Variants in POF1B observed in about 807,000 individuals in gnomAD.
POF1B encodes POF1B actin binding protein, also known as protein POF1B.
In POF1B, 53 loss-of-function variants were observed where a neutral mutation model predicts 55.3. The ratio of observed to expected loss-of-function variants is 0.96; its 90% confidence interval spans 0.77 to 1.20. The LOEUF is 1.20. Among genes scored for constraint, POF1B ranks in the 50% most tolerant of loss-of-function variants. The probability of loss-of-function intolerance (pLI) is 0.00; values close to 1 mark genes in which losing one functional copy is unlikely to be tolerated. For missense variants in POF1B, 478 were observed against 420.5 expected, an observed-to-expected ratio of 1.14 and a Z score of -1.20; for synonymous variants, 188 against 148.3, an observed-to-expected ratio of 1.27 and a Z score of -1.95.
chrX:85,294,863 G>C (rs1051612231), intron 15 of POF1B, among the ~76,000 whole-genome samples: 12 of 110,923 alleles, frequency 1.1e-4, no homozygotes, highest in Non-Finnish European at 1.9e-4. Context: ...TTTTGTTGTT[G>C]TCTTGTAGGA....
At chrX:85,285,766 A>G (rs1932038511) in intron 15 of POF1B, among the ~76,000 whole-genome samples, 1 of 111,129 alleles carries the variant, frequency 9.0e-6, no homozygotes, top group Non-Finnish European at 1.9e-5. Context: ...AATCCTGCAC[A>G]TTGTGCACAT....
At position 85,331,229 on chromosome X, in the gene POF1B, A is replaced by G. The variant is rs543277863; in HGVS notation, c.724-150T>C. On this transcript the variant is annotated intron_variant, in intron 6 of 16. Coordinates refer to ENST00000262753, the MANE Select transcript of POF1B (RefSeq NM_024921.4). The stretch of plus-strand genomic sequence containing the variant: ...AGGGATACATTTTTTAATGTGGGAG[A>G]AATTTAAAGAAAAATCAACATTGCA... 2.6e-4 allele frequency: 144 copies of G among 549,062 alleles called. No individual in the cohort carries two copies. In the Middle Eastern group the frequency reaches 2.7e-3, roughly 10 times the overall value. The allele number at this position is 549,062 out of a possible 1,213,427, so 45.2% of individuals were successfully genotyped here. A position where few individuals can be genotyped will look rare whatever the true frequency, so the allele number is the denominator to read the frequency against.
rs150515968 is a variant in POF1B at position 85,310,626 on chromosome X, G to T, written c.958-2410C>A. 2.7e-5 allele frequency among the ~76,000 whole-genome samples: 3 copies of T among 112,196 alleles called. No homozygotes were observed. In the South Asian group the frequency reaches 1.1e-3, roughly 41 times the overall value. Reference sequence around the variant, plus strand: ...TGTACACCACATATCTAGCTTTCATGTTCAGAGTCCTGGAAGGAAAGGAGA... The same window carrying T: ...TGTACACCACATATCTAGCTTTCATTTTCAGAGTCCTGGAAGGAAAGGAGA... On this transcript the variant is annotated intron_variant, in intron 9 of 16. Transcript: ENST00000262753.
intron 6 of POF1B, among the ~76,000 whole-genome samples, chrX:85,345,041 T>C (rs1032353297): frequency 5.4e-5 from 6 of 111,878 alleles, no homozygotes; most frequent in African/African-American, 1.6e-4. Flanking sequence ...ATACTTAATA[T>C]AAAATAATCA....
intron 15 of POF1B, among the ~76,000 whole-genome samples, chrX:85,289,269 C>T (rs1269298273): frequency 4.5e-5 from 5 of 111,608 alleles, no homozygotes; most frequent in East Asian, 2.9e-4. Flanking sequence ...GACTCACTGG[C>T]GCAAGGGGCT....
intron 3 of POF1B, among the ~76,000 whole-genome samples, chrX:85,363,992 A>G (rs768798485): frequency 2.7e-5 from 3 of 111,957 alleles, no homozygotes; most frequent in Non-Finnish European, 5.6e-5. Context: ...AATCTTTACT[A>G]TTATGTAATG....
intron 6 of POF1B, among the ~76,000 whole-genome samples, chrX:85,336,509 G>A (rs1219375298): frequency 9.0e-6 from 1 of 110,798 alleles, no homozygotes; most frequent in Non-Finnish European, 1.9e-5. Flanking sequence ...TTTAAGTAGG[G>A]TGAGATAATC....
chrX:85,368,050 A>G (rs1243686665), intron 2 of POF1B, among the ~76,000 whole-genome samples: 1 of 112,055 alleles, frequency 8.9e-6, no homozygotes, highest in Non-Finnish European at 1.9e-5. Context: ...GCATTCATAT[A>G]CACCCCAATG....
intron 5 of POF1B, among the ~76,000 whole-genome samples, chrX:85,349,860 T>G (rs1933344491): frequency 9.0e-6 from 1 of 110,584 alleles, no homozygotes; most frequent in South Asian, 3.8e-4. Flanking sequence ...CCTAAGAAAC[T>G]AATACAGTGC....
At chrX:85,295,688 T>G (rs758119756) in intron 15 of POF1B, among the ~76,000 whole-genome samples, 3 of 111,954 alleles carry the variant, frequency 2.7e-5, no homozygotes, top group Non-Finnish European at 5.6e-5. Context: ...AGTGGAAGTC[T>G]GTTTTGTGGT....
intron 2 of POF1B, among the ~76,000 whole-genome samples, chrX:85,373,841 G>C (rs1010249739): frequency 9.0e-6 from 1 of 111,367 alleles, no homozygotes; most frequent in African/African-American, 3.3e-5. Context: ...AGATTGGTGA[G>C]GGTGAGGAGC....
chrX:85,306,471 T>C (rs1180835461), intron 11 of POF1B, 138 bp from the exon 12 acceptor site: 1 of 536,509 alleles, frequency 1.9e-6, no homozygotes. Flanking sequence ...TCTTAGATGG[T>C]ACATTAAGTC....
At chrX:85,305,009 C>T (rs1250779274) in intron 13 of POF1B, among the ~76,000 whole-genome samples, 1 of 110,519 alleles carries the variant, frequency 9.0e-6, no homozygotes, top group African/African-American at 3.3e-5. Context: ...TTGTCCATTT[C>T]CCTCTTTACC....
At chrX:85,377,808 T>C (rs926433025) in intron 2 of POF1B, among the ~76,000 whole-genome samples, 6 of 112,134 alleles carry the variant, frequency 5.4e-5, no homozygotes, top group Non-Finnish European at 3.8e-5. Context: ...CTCCTAAAAA[T>C]TGTCCGGTAG....
chrX:85,347,593 A>T (rs1475043240), intron 5 of POF1B, among the ~76,000 whole-genome samples: 2 of 111,077 alleles, frequency 1.8e-5, no homozygotes, highest in Admixed American at 1.9e-4. Flanking sequence ...TATTCCTTTC[A>T]ATGTTTTTTA....
intron 15 of POF1B, among the ~76,000 whole-genome samples, chrX:85,293,172 G>A (rs774015461): frequency 8.9e-6 from 1 of 111,948 alleles, no homozygotes; most frequent in Non-Finnish European, 1.9e-5. Flanking sequence ...TCATTACTGG[G>A]TATATACCTA....
intron 2 of POF1B, among the ~76,000 whole-genome samples, chrX:85,378,094 G>A (rs67562322): frequency 0.17 from 19,304 of 110,743 alleles, 3,275 homozygotes; most frequent in African/African-American, 0.53. Flanking sequence ...AATGCAAACT[G>A]GTATTTATGA....
At chrX:85,307,327 T>A in intron 10 of POF1B, 51 bp from the exon 11 acceptor site, 1 of 806,448 alleles carries the variant, frequency 1.2e-6, no homozygotes, top group Middle Eastern at 4.5e-4. Flanking sequence ...AACTTAACAG[T>A]CACATAATAC....
At chrX:85,376,055 T>A (rs960184929) in intron 2 of POF1B, among the ~76,000 whole-genome samples, 12 of 111,447 alleles carry the variant, frequency 1.1e-4, no homozygotes, top group African/African-American at 3.9e-4. Flanking sequence ...CCTGGACAGG[T>A]TAATGGTATT....
Sources: allele counts gnomAD v4.1 joint callset (sites outside exome capture counted in the v4.1 genomes callset), GRCh38; gene constraint gnomAD v4.1.1; transcripts MANE v1.5; gene names NCBI Gene and HGNC (gene_info 2026-07-23, HGNC 2026-07-21).